The following SLC44A5 variants were observed in gnomAD, a reference collection of about 807,000 sequenced individuals.
SLC44A5 encodes the protein choline transporter-like protein 5.
Under a neutral mutation model 101.8 loss-of-function variants are expected in SLC44A5, and 57 were observed. The observed-to-expected ratio is 0.56, with a 90% CI of 0.45 to 0.70. SLC44A5 has a LOEUF of 0.70. Ranked by LOEUF, SLC44A5 falls within the 30% of genes least tolerant of loss-of-function variation. The pLI is 0.00. For missense variants in SLC44A5, 737 were observed against 853.1 expected, an observed-to-expected ratio of 0.86 and a Z score of 1.70; for synonymous variants, 281 against 290.9, an observed-to-expected ratio of 0.97 and a Z score of 0.35.
the SLC44A5 span, among the ~76,000 whole-genome samples, chr1:75,649,491 A>C: frequency 6.6e-6 from 1 of 152,212 alleles, no homozygotes; most frequent in African/African-American, 2.4e-5. Flanking sequence ...AGAAATGGAA[A>C]GGGAATGGGG....
chr1:75,602,432 TTC>T (rs1675033105), intron 1 of SLC44A5, among the ~76,000 whole-genome samples: 1 of 152,158 alleles, frequency 6.6e-6, no homozygotes, highest in African/African-American at 2.4e-5. Context: ...ACGTAAGACT[TTC>T]TGAGTGGTTA....
intron 5 of SLC44A5, among the ~76,000 whole-genome samples, chr1:75,284,822 C>T (rs1273890771): frequency 6.6e-6 from 1 of 152,022 alleles, no homozygotes; most frequent in East Asian, 1.9e-4. Context: ...TATTGACTTG[C>T]ATATGTTAAA....
At chr1:75,510,917 T>A (rs996932316) in intron 2 of SLC44A5, among the ~76,000 whole-genome samples, 3 of 152,060 alleles carry the variant, frequency 2.0e-5, no homozygotes, top group Non-Finnish European at 4.4e-5. Flanking sequence ...CCGAGGCAGG[T>A]GGATGACGAG....
At chr1:75,314,673 C>T (rs1655557163) in intron 4 of SLC44A5, among the ~76,000 whole-genome samples, 1 of 152,142 alleles carries the variant, frequency 6.6e-6, no homozygotes, top group African/African-American at 2.4e-5. Context: ...GACTCCTAGG[C>T]TCTATTCTCA....
chr1:75,648,107 G>A, the SLC44A5 span, among the ~76,000 whole-genome samples: 1 of 152,142 alleles, frequency 6.6e-6, no homozygotes, highest in Admixed American at 6.5e-5. Flanking sequence ...GGGATCACAT[G>A]GGAAGCAATT....
At chr1:75,489,426 G>C (rs1042587365) in intron 2 of SLC44A5, among the ~76,000 whole-genome samples, 1 of 152,088 alleles carries the variant, frequency 6.6e-6, no homozygotes. Context: ...CTGTCTTTAC[G>C]CTCACCCTGT....
chr1:75,536,937 CG>C lies in SLC44A5; in HGVS notation c.13+4497del, dbSNP rs1234459185. On this transcript the variant is annotated intron_variant, in intron 2 of 23. Transcript: ENST00000370859. ...AGGAGAATGGCGTGAACCCGGGAGG[CG>C]GAGCTTGCAGTGAGCCGAGATCCCG... Among the ~76,000 whole-genome samples the C allele has an allele frequency of 4.1e-5, 5 of 121,628 alleles. No homozygotes were observed. In the East Asian group the frequency reaches 1.3e-3, roughly 32 times the overall value. 79.8% of individuals were successfully genotyped at this position (121,628 alleles called of 152,430 possible).
At chr1:75,294,810 A>G (rs1056987167) in intron 5 of SLC44A5, among the ~76,000 whole-genome samples, 1 of 152,194 alleles carries the variant, frequency 6.6e-6, no homozygotes. Flanking sequence ...TCTCCTTTAT[A>G]TGTGAAATCT....
rs574077117 is a variant in SLC44A5, at chr1:75,405,567, C to G, written c.14-8946G>C. Among the ~76,000 whole-genome samples, 16 of 152,296 alleles carry G rather than the reference C, an allele frequency of 1.1e-4. No homozygotes were observed. In the East Asian group the frequency reaches 3.1e-3, roughly 29 times the overall value. On this transcript the variant is annotated intron_variant, in intron 2 of 23. Coordinates refer to ENST00000370859, the MANE Select transcript of SLC44A5 (RefSeq NM_001130058.2). Reference sequence around the variant, plus strand: ...ATTAAGAAACTCACTCAAAACCATACAACTACATGAAAACTGAACAACCTG... The same window carrying G: ...ATTAAGAAACTCACTCAAAACCATAGAACTACATGAAAACTGAACAACCTG...
intron 4 of SLC44A5, among the ~76,000 whole-genome samples, chr1:75,309,260 A>G (rs1655124177): frequency 6.6e-6 from 1 of 152,188 alleles, no homozygotes; most frequent in African/African-American, 2.4e-5. Context: ...CCTGGGCAAC[A>G]CAGTGAGACC....
At chr1:75,693,668 G>C in the SLC44A5 span, among the ~76,000 whole-genome samples, 3 of 152,054 alleles carry the variant, frequency 2.0e-5, no homozygotes, top group Non-Finnish European at 2.9e-5. Flanking sequence ...GCATACTGGA[G>C]CCCACCAATG....
intron 2 of SLC44A5, among the ~76,000 whole-genome samples, chr1:75,481,073 A>G (rs1370308961): frequency 6.6e-6 from 1 of 152,214 alleles, no homozygotes; most frequent in African/African-American, 2.4e-5. Flanking sequence ...TCAATGGAAC[A>G]GAACAGAGCC....
At chr1:75,576,669 A>G (rs1294217797) in intron 1 of SLC44A5, among the ~76,000 whole-genome samples, 1 of 152,126 alleles carries the variant, frequency 6.6e-6, no homozygotes, top group Non-Finnish European at 1.5e-5. Flanking sequence ...CGCAAGTCCT[A>G]GATCTGATGG....
At chr1:75,486,949 T>C (rs990124792) in intron 2 of SLC44A5, among the ~76,000 whole-genome samples, 2 of 152,210 alleles carry the variant, frequency 1.3e-5, no homozygotes, top group African/African-American at 2.4e-5. Context: ...TTAGGTCATG[T>C]GAAGGATTAT....
chr1:75,576,904 C>T (rs1354682279), intron 1 of SLC44A5, among the ~76,000 whole-genome samples: 1 of 152,206 alleles, frequency 6.6e-6, no homozygotes, highest in African/African-American at 2.4e-5. Context: ...AATTACCTCA[C>T]AGAGGTGTAG....
intron 3 of SLC44A5, among the ~76,000 whole-genome samples, chr1:75,347,897 G>A (rs961333817): frequency 6.6e-6 from 1 of 152,088 alleles, no homozygotes; most frequent in Non-Finnish European, 1.5e-5. Context: ...TTTTTGTAAA[G>A]AGACTGAACA....
At chr1:75,680,462 C>A in the SLC44A5 span, among the ~76,000 whole-genome samples, 3 of 151,852 alleles carry the variant, frequency 2.0e-5, no homozygotes, top group Non-Finnish European at 4.4e-5. Context: ...GAATCTCACT[C>A]AAAACTGCTC....
chr1:75,353,008 A>C (rs1658799818), intron 3 of SLC44A5, among the ~76,000 whole-genome samples: 1 of 152,140 alleles, frequency 6.6e-6, no homozygotes, highest in Non-Finnish European at 1.5e-5. Flanking sequence ...ATTCCTAAAT[A>C]ATATAATTTG....
chr1:75,319,334 T>G (rs906177758), intron 4 of SLC44A5, among the ~76,000 whole-genome samples: 5 of 152,160 alleles, frequency 3.3e-5, no homozygotes, highest in South Asian at 4.1e-4. Context: ...GTAGAAAAAT[T>G]TATAAACATA....
Sources: gnomAD v4.1 joint callset for allele counts (sites outside exome capture counted in the v4.1 genomes callset) on GRCh38, gnomAD v4.1.1 for gene constraint, MANE v1.5 for transcripts, NCBI Gene and HGNC (gene_info 2026-07-23, HGNC 2026-07-21) for gene names.